Variants in ABCC5 observed in about 807,000 individuals in gnomAD.
ABCC5 encodes the protein ATP-binding cassette sub-family C member 5.
In ABCC5, 61 loss-of-function variants were observed where a neutral mutation model predicts 160.9. That is an observed-to-expected ratio of 0.38 (90% CI 0.31 to 0.47). The LOEUF (loss-of-function observed/expected upper bound fraction) is 0.47. Ranked by LOEUF, ABCC5 falls within the 20% of genes least tolerant of loss-of-function variation. ABCC5 has a pLI of 0.99. For missense variants in ABCC5, 1,308 were observed against 1,813.3 expected, an observed-to-expected ratio of 0.72 and a Z score of 5.06; for synonymous variants, 666 against 700.6, an observed-to-expected ratio of 0.95 and a Z score of 0.78.
In ABCC5 at chr3:183,951,931, A is replaced by G; in HGVS notation, c.2740T>C (p.Tyr914His). The change falls in exon 19 of 30, where the codon TAT becomes CAT. Residue 914 changes from tyrosine (Y) to histidine (H), a missense_variant. Transcript: ENST00000334444. This position sits in a 1 kb window ranked among gnomAD's most constrained non-coding sequence, Gnocchi z 4.7. ...ATGGAGAGGGCGTAGATGCTGGCAT[A>G]GTACTGCATATGAGGATTGTCCTTC... ...SMKDNPHMQY[Y>H]ASIYALSMAV... is the part of the protein sequence containing the mutation. 2.5e-6 allele frequency: 4 copies of G among 1,614,074 alleles called. No individual in the cohort carries two copies. Among genetic ancestry groups the G allele is most frequent in the Non-Finnish European group, 2.5e-6 (3 of 1,179,918 alleles).
At chr3:184,012,790 T>C (rs530792831) in intron 2 of ABCC5, among the ~76,000 whole-genome samples, 2 of 152,312 alleles carry the variant, frequency 1.3e-5, no homozygotes, top group Non-Finnish European at 2.9e-5. Context: ...TTAAGCCTGT[T>C]TCTCTGAAGT....
At chr3:184,016,836 C>G (rs997818340) in intron 1 of ABCC5, among the ~76,000 whole-genome samples, 1 of 152,132 alleles carries the variant, frequency 6.6e-6, no homozygotes, top group African/African-American at 2.4e-5. Flanking sequence ...TAGACACTCT[C>G]CCTGCACAAT....
intron 2 of ABCC5, among the ~76,000 whole-genome samples, chr3:183,996,439 AT>A (rs1448617635): frequency 1.3e-5 from 2 of 152,176 alleles, no homozygotes; most frequent in African/African-American, 4.8e-5. Flanking sequence ...AAATCCTCTG[AT>A]TGCATGGTTT....
At chr3:183,941,732 C>A (rs1714371584) in intron 25 of ABCC5, among the ~76,000 whole-genome samples, 1 of 152,058 alleles carries the variant, frequency 6.6e-6, no homozygotes, top group African/African-American at 2.4e-5. Flanking sequence ...CACCTGTAAT[C>A]CCAGCACTTT....
chr3:183,971,735 A>G lies in ABCC5; in HGVS notation c.1589T>C (p.Val530Ala). The change falls in exon 11 of 30, where the codon GTG (valine) becomes GCG (alanine). Residue 530 changes from valine (V) to alanine (A), a missense_variant. Coordinates refer to ENST00000334444, the MANE Select transcript of ABCC5 (RefSeq NM_005688.4). The part of the protein sequence containing the change: ...KRASRGKKEK[V>A]RQLQRTEHQA... ...ATGCTCAGTGCGCTGCAGCTGCCTC[A>G]CCTTCTCTTTCTTGCCCCTGGAAGC... 6.2e-7 allele frequency: 1 copy of G among 1,614,070 alleles called. No individual in the cohort carries two copies. The highest frequency in any genetic ancestry group is 8.5e-7 in the Non-Finnish European group (1 of 1,180,000).
chr3:183,990,202 C>T (rs547347399), intron 2 of ABCC5, among the ~76,000 whole-genome samples: 1 of 151,850 alleles, frequency 6.6e-6, no homozygotes, highest in South Asian at 2.1e-4. Flanking sequence ...TCAGCCTCCC[C>T]GGTTCAAGCA....
Position 183,925,645 on chromosome 3 carries a change from T to C in ABCC5, c.4122A>G (p.Glu1374=). ...TDLLIQETIR[E]AFADCTMLTI... ...TCAGCATGGTACAGTCTGCAAATGC[T>C]TCTCGGATGGTCTCTTGAATCAATA... Residue 1374 remains glutamate, a synonymous_variant, in exon 29 of 30, where the codon GAA becomes GAG. Coordinates refer to ENST00000334444, the MANE Select transcript of ABCC5 (RefSeq NM_005688.4). The C allele has an allele frequency of 6.2e-7, 1 of 1,614,052 alleles. No homozygotes were observed. The highest frequency in any genetic ancestry group is 8.5e-7 in the Non-Finnish European group (1 of 1,180,014).
chr3:183,942,468 G>A (rs577188679), intron 25 of ABCC5: 1 of 634,456 alleles, frequency 1.6e-6, no homozygotes, highest in Admixed American at 2.1e-5. Flanking sequence ...GGGTAGCAGA[G>A]TTGTGGGTGC....
At position 183,972,085 on chromosome 3, in the gene ABCC5, A is replaced by G. The variant is rs186800398; in HGVS notation, c.1405-166T>C. ...GTGCAGCCCAATCTCAGGCCCATCA[A>G]GGGGTCACGGGAGTGTGGGGCAACC... On this transcript the variant is annotated intron_variant, in intron 10 of 29. Coordinates refer to ENST00000334444, the MANE Select transcript of ABCC5 (RefSeq NM_005688.4). 51 of 1,456,564 alleles carry G rather than the reference A, an allele frequency of 3.5e-5. No homozygotes were observed. In the African/African-American group the frequency reaches 6.3e-4, roughly 18 times the overall value. The allele number at this position is 1,456,564 out of a possible 1,614,324, so 90.2% of individuals were successfully genotyped here.
In ABCC5 at chr3:183,950,215, T is replaced by A. The variant is rs1715216800; in HGVS notation, c.2945-90A>T. On this transcript the variant is annotated intron_variant, in intron 20 of 29. Coordinates refer to ENST00000334444, the MANE Select transcript of ABCC5 (RefSeq NM_005688.4). ...AAACAAAAAGGGGTTCCACAAACTC[T>A]CTATCTGAAGTTTGTGATGTTGTCT... 12 of 1,395,488 alleles carry A rather than the reference T, an allele frequency of 8.6e-6. No homozygotes were observed. The South Asian group carries it at 1.8e-4, about 21-fold the overall frequency. 86.4% of individuals were successfully genotyped at this position (1,395,488 alleles called of 1,614,324 possible). A position where few individuals can be genotyped will look rare whatever the true frequency, so the allele number is the denominator to read the frequency against.
At chr3:183,959,690 A>G in intron 17 of ABCC5, 43 bp downstream of exon 17, 1 of 1,411,150 alleles carries the variant, frequency 7.1e-7, no homozygotes, top group Non-Finnish European at 9.9e-7. Context: ...TATTTCTGAT[A>G]AACTTTGATG....
intron 2 of ABCC5, among the ~76,000 whole-genome samples, chr3:183,995,997 T>C (rs1054951899): frequency 3.3e-5 from 5 of 152,004 alleles, no homozygotes; most frequent in African/African-American, 7.3e-5. Context: ...TTAGTAGAGA[T>C]GGGGTTTCAC....
intron 2 of ABCC5, chr3:184,010,448 T>C (rs1439495717): frequency 1.3e-5 from 2 of 152,292 alleles, no homozygotes; most frequent in African/African-American, 4.8e-5. Flanking sequence ...CCATATCCTT[T>C]AGGGTACTCA....
At chr3:183,939,320 G>A (rs564077392) in intron 25 of ABCC5, among the ~76,000 whole-genome samples, 135 of 152,244 alleles carry the variant, frequency 8.9e-4, no homozygotes, top group African/African-American at 3.1e-3. Flanking sequence ...GTAATCCCAG[G>A]TACTTGGGAA....
intron 27 of ABCC5, among the ~76,000 whole-genome samples, chr3:183,928,423 C>G (rs370553406): frequency 6.6e-6 from 1 of 152,144 alleles, no homozygotes. Flanking sequence ...CGTTATATAT[C>G]TTTTGCGTAT....
chr3:183,976,946 AGAACACAG>A (rs1204780230), intron 10 of ABCC5, among the ~76,000 whole-genome samples: 2 of 152,248 alleles, frequency 1.3e-5, no homozygotes, highest in Non-Finnish European at 2.9e-5. Context: ...GAAGGAACAA[AGAACACAG>A]CCAAGGTATG....
intron 2 of ABCC5, among the ~76,000 whole-genome samples, chr3:183,995,707 T>G (rs1720218160): frequency 6.6e-6 from 1 of 152,224 alleles, no homozygotes; most frequent in Non-Finnish European, 1.5e-5. Flanking sequence ...TTGGATAGTG[T>G]GATGCCTTCA....
At chr3:183,970,601 T>C (rs1717651646) in intron 11 of ABCC5, among the ~76,000 whole-genome samples, 1 of 152,216 alleles carries the variant, frequency 6.6e-6, no homozygotes, top group South Asian at 2.1e-4. Flanking sequence ...TACAGCTGGC[T>C]AATTTTCCTA....
At chr3:183,948,151 A>G (rs1446389778) in intron 22 of ABCC5, among the ~76,000 whole-genome samples, 1 of 152,254 alleles carries the variant, frequency 6.6e-6, no homozygotes, top group Non-Finnish European at 1.5e-5. Flanking sequence ...TCAGTGCACC[A>G]TGTACGACTA....
Sources: allele counts gnomAD v4.1 joint callset (sites outside exome capture counted in the v4.1 genomes callset), GRCh38; gene constraint gnomAD v4.1.1; non-coding constraint Gnocchi (gnomAD v3.1); transcripts MANE v1.5; gene names NCBI Gene and HGNC (gene_info 2026-07-23, HGNC 2026-07-21).